Variants in MYH3 observed in about 807,000 individuals in gnomAD.
The protein encoded by MYH3 is myosin heavy chain 3.
A neutral mutation model predicts 238.0 loss-of-function variants in MYH3; 130 were observed. The ratio of observed to expected loss-of-function variants is 0.55; its 90% CI spans 0.47 to 0.63. The LOEUF is 0.63. Among genes scored for constraint, MYH3 ranks in the 30% least tolerant of loss-of-function variants. The pLI, the probability that MYH3 is intolerant of heterozygous loss-of-function variation, is 0.00. For missense variants in MYH3, 1,853 were observed against 2,374.9 expected, an observed-to-expected ratio of 0.78 and a Z score of 4.57; for synonymous variants, 880 against 924.1, an observed-to-expected ratio of 0.95 and a Z score of 0.86.
chr17:10,644,851 CACTCAGAGAATATAATGG>C, intron 12 of MYH3, 149 bp from the exon 13 acceptor site: 2 of 714,600 alleles, frequency 2.8e-6, no homozygotes, highest in Non-Finnish European at 5.0e-6. Context: ...GAAGCTAAGT[CACTCAGAGAATATAATGG>C]ACTTTATGAA....
chr17:10,641,811 G>A (rs1188207920), intron 17 of MYH3, among the ~76,000 whole-genome samples: 3 of 152,168 alleles, frequency 2.0e-5, no homozygotes, highest in African/African-American at 7.2e-5. Flanking sequence ...ACTGTGCCCG[G>A]CCTAACTCAG....
At chr17:10,645,657 C>T (rs1427607360) in intron 12 of MYH3, 50 bp downstream of exon 12, 1 of 1,608,906 alleles carries the variant, frequency 6.2e-7, no homozygotes, top group Non-Finnish European at 8.5e-7. Context: ...ACCAAGTGAC[C>T]TCAGCAGATC....
intron 13 of MYH3, 28 bp downstream of exon 13, chr17:10,644,556 C>A (rs1309197957): frequency 1.9e-6 from 3 of 1,613,184 alleles, no homozygotes; most frequent in Non-Finnish European, 1.7e-6. Flanking sequence ...CAGGGTCCTG[C>A]ACCCTTTCCC....
Position 10,629,568 on chromosome 17 carries a change from G to A in MYH3, c.5796+29C>T, listed in dbSNP as rs570950857. 6.2e-5 allele frequency: 100 copies of A among 1,611,958 alleles called. 1 individual carries two copies. In the South Asian group the frequency reaches 8.0e-4, roughly 13 times the overall value. On this transcript the variant is annotated intron_variant, in intron 40 of 40. Coordinates refer to ENST00000583535, the MANE Select transcript of MYH3 (RefSeq NM_002470.4). Reference sequence around the variant, plus strand: ...CTAAGAAGTTTCTACAGTCCCTGGGGGGGGGCTCCTCCCAGCTCAGCGACT... The same window carrying A: ...CTAAGAAGTTTCTACAGTCCCTGGGAGGGGGCTCCTCCCAGCTCAGCGACT...
At chr17:10,656,942 G>C (rs2074437999) in intron 1 of MYH3, among the ~76,000 whole-genome samples, 1 of 152,190 alleles carries the variant, frequency 6.6e-6, no homozygotes, top group East Asian at 1.9e-4. Flanking sequence ...ATGGGTCACA[G>C]AGGCAATGGG....
At chr17:10,656,644 C>A (rs959628146) in intron 1 of MYH3, among the ~76,000 whole-genome samples, 2 of 152,024 alleles carry the variant, frequency 1.3e-5, no homozygotes, top group Non-Finnish European at 2.9e-5. Context: ...GGAGGAAAAA[C>A]CCTCAGCTGT....
Position 10,635,529 on chromosome 17 carries a change from G to A in MYH3, c.4010C>T (p.Ser1337Phe), listed in dbSNP as rs769977048. 1 of 1,614,248 alleles carries A rather than the reference G, an allele frequency of 6.2e-7. No homozygotes were observed. Among genetic ancestry groups the A allele is most frequent in the Non-Finnish European group, 8.5e-7 (1 of 1,180,042 alleles). The change falls in exon 30 of 41, where the codon TCC becomes TTC. Residue 1337 changes from serine to phenylalanine, a missense_variant. Physicochemically the swap from Ser to Phe is radical, Grantham distance 155. Transcript: ENST00000583535. Reference protein sequence around the residue: ...KNALAHALQSSRHDCDLLREQ... With the variant: ...KNALAHALQSFRHDCDLLREQ... ...CCGCAGCAGGTCACAGTCGTGGCGG[G>A]AGGACTGCAGGGCGTGCGCCAGGGC...
the MYH3 span, among the ~76,000 whole-genome samples, chr17:10,666,706 G>A: frequency 1.8e-4 from 28 of 152,156 alleles, no homozygotes; most frequent in African/African-American, 6.7e-4. Flanking sequence ...AGGCTACAGT[G>A]AGCTACAATC....
At position 10,630,370 on chromosome 17, in the gene MYH3, T is replaced by C. The variant is rs769177382; in HGVS notation, c.5375A>G (p.Lys1792Arg). ...RMKKNLEQTV[K>R]DLQHRLDEAE... ...CTCATCTAGACGATGCTGCAGGTCC[T>C]TCACCGTCTGTTCCAGGTTCTTCTT... Residue 1792 changes from lysine (K) to arginine (R), a missense_variant, in exon 37 of 41, where the codon AAG (lysine) becomes AGG (arginine). Physicochemically the swap from Lys to Arg is conservative, Grantham distance 26. This residue lies in a region of MYH3 where 1,044 missense variants were observed against 1,192.6 expected (regional missense o/e 0.88). Coordinates refer to ENST00000583535, the MANE Select transcript of MYH3 (RefSeq NM_002470.4). The C allele has an allele frequency of 8.1e-6, 13 of 1,614,068 alleles. No homozygotes were observed. In the East Asian group the frequency reaches 2.7e-4, roughly 33 times the overall value.
Position 10,631,955 on chromosome 17 carries a change from G to T in MYH3, c.5018C>A (p.Ala1673Glu), listed in dbSNP as rs781405511. Residue 1673 changes from alanine (A) to glutamate (E), a missense_variant, in exon 35 of 41, where the codon GCG (alanine) becomes GAG (glutamate). By Grantham distance (107) the Ala-to-Glu change is moderately radical. Transcript: ENST00000583535. The part of the protein sequence containing the change: ...RGQEDLKEQL[A>E]IVERRANLLQ... ...CAGGTTGGCTCTGCGCTCCACAATC[G>T]CCAGCTGCTCCTTCAGGTCCTCCTG... The T allele has an allele frequency of 6.2e-7, 1 of 1,613,866 alleles. No individual in the cohort carries two copies. The highest frequency in any genetic ancestry group is 8.5e-7 in the Non-Finnish European group (1 of 1,180,036).
chr17:10,661,017 C>T (rs2074476847), upstream of MYH3, among the ~76,000 whole-genome samples: 3 of 150,810 alleles, frequency 2.0e-5, no homozygotes, highest in African/African-American at 7.3e-5. Context: ...ACTCTTGTTG[C>T]CCAGGCTGGA....
At chr17:10,647,572 G>A in intron 8 of MYH3, 146 bp from the exon 9 acceptor site, 3 of 869,456 alleles carry the variant, frequency 3.5e-6, no homozygotes, top group Non-Finnish European at 5.4e-6. Context: ...TTGAGACGGA[G>A]TCTCGCTCTG....
intron 34 of MYH3, 94 bp from the exon 35 acceptor site, chr17:10,632,110 G>A: frequency 7.2e-7 from 1 of 1,379,782 alleles, no homozygotes; most frequent in Non-Finnish European, 9.7e-7. Context: ...TTGTTTGTTT[G>A]TTTTTGTTTT....
chr17:10,642,015 C>T lies in MYH3; in HGVS notation c.1959+225G>A, dbSNP rs1363843056. Among the ~76,000 whole-genome samples, 1 of 152,188 alleles carries T rather than the reference C, an allele frequency of 6.6e-6. No individual in the cohort carries two copies. The highest frequency in any genetic ancestry group is 1.5e-5 in the Non-Finnish European group (1 of 68,034). On this transcript the variant is annotated intron_variant, in intron 17 of 40. Coordinates refer to ENST00000583535, the MANE Select transcript of MYH3 (RefSeq NM_002470.4). The surrounding 1 kb of genome is among the most constrained non-coding windows in gnomAD (Gnocchi z 5.4). ...GGAGAGTTTATGCTGGAAACTCGGA[C>T]AAGCCAACTCAGCTATCTTTGGTAT...
intron 5 of MYH3, among the ~76,000 whole-genome samples, chr17:10,651,078 G>A (rs7209806): frequency 0.57 from 86,429 of 151,076 alleles, 27,567 homozygotes; most frequent in Non-Finnish European, 0.73. Context: ...GCAGCTACTC[G>A]GGAGGCTGAG....
chr17:10,646,466 G>C (rs1465704896), intron 10 of MYH3, among the ~76,000 whole-genome samples: 7 of 152,184 alleles, frequency 4.6e-5, no homozygotes, highest in Non-Finnish European at 7.3e-5. Context: ...TACAGCCAAA[G>C]AGCAAAGAAG....
rs779289839 is a variant in MYH3, at chr17:10,642,496, G to A, written c.1809C>T (p.Asn603=). 23 of 1,614,072 alleles carry A rather than the reference G, an allele frequency of 1.4e-5. No individual in the cohort carries two copies. The highest frequency in any genetic ancestry group is 2.2e-5 in the South Asian group (2 of 91,090). Residue 603 remains asparagine, a synonymous_variant, in exon 16 of 41, where the codon AAC becomes AAT. Coordinates refer to ENST00000583535, the MANE Select transcript of MYH3 (RefSeq NM_002470.4). The surrounding 1 kb of genome is among the most constrained non-coding windows in gnomAD (Gnocchi z 5.4). ...TCTGGTACAGCCCAACCACAGTCTC[G>A]TTCAGAGGGTCCTTGTTCTTCTCCA... is the stretch of plus-strand genomic sequence containing the variant. ...GWLEKNKDPL[N]ETVVGLYQKS...
the MYH3 span, among the ~76,000 whole-genome samples, chr17:10,665,299 T>C: frequency 1.3e-5 from 2 of 152,048 alleles, no homozygotes; most frequent in Admixed American, 6.6e-5. Flanking sequence ...CCCACCACCA[T>C]GCCCAGCTAG....
chr17:10,637,035 C>T (rs1413418967), intron 28 of MYH3, among the ~76,000 whole-genome samples: 1 of 150,938 alleles, frequency 6.6e-6, no homozygotes, highest in African/African-American at 2.4e-5. Context: ...ATTTTCTAGG[C>T]GAAAACTCCA....
Sources: allele counts gnomAD v4.1 joint callset (sites outside exome capture counted in the v4.1 genomes callset), GRCh38; gene constraint gnomAD v4.1.1; regional missense constraint gnomAD v4.1.1; non-coding constraint Gnocchi (gnomAD v3.1); transcripts MANE v1.5; gene names NCBI Gene and HGNC (gene_info 2026-07-23, HGNC 2026-07-21).